The following SETD1B variants were observed in gnomAD, a reference collection of about 807,000 sequenced individuals.
SETD1B encodes the protein SET domain containing 1B, histone lysine methyltransferase.
Under a neutral mutation model 148.0 loss-of-function variants are expected in SETD1B, and 7 were observed. That is an observed-to-expected ratio of 0.05 (90% CI 0.03 to 0.09). SETD1B has a LOEUF of 0.09. Among genes scored for constraint, SETD1B ranks in the 10% least tolerant of loss-of-function variants. The pLI is 1.00. For missense variants in SETD1B, 2,155 were observed against 2,729.9 expected, an observed-to-expected ratio of 0.79 and a Z score of 4.69; for synonymous variants, 1,361 against 1,186.5, an observed-to-expected ratio of 1.15 and a Z score of -3.02.
At chr12:121,798,857 G>A in the SETD1B span, among the ~76,000 whole-genome samples, 1 of 152,214 alleles carries the variant, frequency 6.6e-6, no homozygotes, top group African/African-American at 2.4e-5. Flanking sequence ...CTTAGACACT[G>A]AGATGGGAAA....
chr12:121,796,974 T>G, the SETD1B span, among the ~76,000 whole-genome samples: 1 of 150,264 alleles, frequency 6.7e-6, no homozygotes, highest in Admixed American at 6.6e-5. Flanking sequence ...GAGGCGGAGG[T>G]TGCGGTGAGC....
the SETD1B span, chr12:121,797,215 C>T: frequency 2.8e-6 from 1 of 356,194 alleles, no homozygotes; most frequent in South Asian, 2.1e-5. Flanking sequence ...AGGTCATGTT[C>T]CACGCTAGGG....
In SETD1B at chr12:121,809,643, C is replaced by T; in HGVS notation, c.698C>T (p.Ser233Phe). Residue 233 changes from serine to phenylalanine, a missense_variant, in exon 6 of 17, where the codon TCT becomes TTT. Ser to Phe is a radical substitution (Grantham distance 155, BLOSUM62 -2). This residue lies in a region of SETD1B where 124 missense variants were observed against 282.9 expected (regional missense o/e 0.44). Transcript: ENST00000604567. ...AAGCGCCTCAAGGATGGAGGCCTGT[C>T]TGCAGGCTGTGGCTCCGGCTCCTCC... The part of the protein sequence containing the change: ...ALKRLKDGGL[S>F]AGCGSGSSSV... 1 of 1,551,364 alleles carries T rather than the reference C, an allele frequency of 6.4e-7. No homozygotes were observed. The highest frequency in any genetic ancestry group is 8.7e-7 in the Non-Finnish European group (1 of 1,146,860).
At chr12:121,826,040 C>G (rs571357551) in intron 13 of SETD1B, among the ~76,000 whole-genome samples, 4 of 152,106 alleles carry the variant, frequency 2.6e-5, no homozygotes, top group Admixed American at 2.6e-4. Flanking sequence ...AAAACCAAAT[C>G]CTATTCCTCG....
chr12:121,830,377 G>A lies in SETD1B; in HGVS notation c.*138G>A. The A allele has an allele frequency of 1.3e-6, 1 of 791,448 alleles. No individual in the cohort carries two copies. Among genetic ancestry groups the A allele is most frequent in the Non-Finnish European group, 1.9e-6 (1 of 516,122 alleles). 49.0% of individuals were successfully genotyped at this position (791,448 alleles called of 1,614,324 possible). On this transcript the variant is annotated 3_prime_UTR_variant, in exon 17 of 17. Coordinates refer to ENST00000604567, the MANE Select transcript of SETD1B (RefSeq NM_001353345.2). The surrounding 1 kb of genome is among the most constrained non-coding windows in gnomAD (Gnocchi z 5.7). ...TCTACCCAGCGGCCATTCAGGGCCTGGCGCCCCACACTACCCCCTGGAGCC... is the reference window on the plus strand; with the variant it reads ...TCTACCCAGCGGCCATTCAGGGCCTAGCGCCCCACACTACCCCCTGGAGCC...
In SETD1B at chr12:121,830,530, C is replaced by CT. The variant is rs34128886; in HGVS notation, c.*292dup. On this transcript the variant is annotated 3_prime_UTR_variant, in exon 17 of 17. Transcript: ENST00000604567. This position sits in a 1 kb window ranked among gnomAD's most constrained non-coding sequence, Gnocchi z 5.7. ...ATCAGCTTCTCTCTCTCCGTCTCTC[C>CT]TCCCCTCTCTCTCTTCTCTGTCTCT... 0.18 allele frequency: 55,825 copies of CT among 315,590 alleles called. 5,575 individuals carry two copies. The highest frequency in any genetic ancestry group is 0.24 in the African/African-American group (11,397 of 46,976). The allele number at this position is 315,590 out of a possible 1,614,324, so 19.5% of individuals were successfully genotyped here.
Position 121,810,633 on chromosome 12 carries a change from G to T in SETD1B, c.1688G>T (p.Arg563Leu), listed in dbSNP as rs942845427. The T allele has an allele frequency of 3.9e-6, 6 of 1,548,172 alleles. No individual in the cohort carries two copies. Among genetic ancestry groups the T allele is most frequent in the Non-Finnish European group, 4.4e-6 (5 of 1,146,408 alleles). ...CGGGGCCCCACGCCCCCCTCGTCAC[G>T]CCCCTCCAGCACCGGCCTGGAGGAT... ...GFRGPTPPSS[R>L]PSSTGLEDIS... Residue 563 changes from arginine (R) to leucine (L), a missense_variant, in exon 6 of 17, where the codon CGC becomes CTC. Coordinates refer to ENST00000604567, the MANE Select transcript of SETD1B (RefSeq NM_001353345.2). The surrounding 1 kb of genome is among the most constrained non-coding windows in gnomAD (Gnocchi z 7.6).
chr12:121,814,756 A>G lies in SETD1B; in HGVS notation c.2541A>G (p.Pro847=), dbSNP rs1876211671. Reference sequence around the variant, plus strand: ...AGTTTGACCCGTCAGTGCCTCCACCAGGCTACATGCCACGCCAGGAGGACC... The same window carrying G: ...AGTTTGACCCGTCAGTGCCTCCACCGGGCTACATGCCACGCCAGGAGGACC... ...LPKFDPSVPP[P]GYMPRQEDPH... Residue 847 remains proline (P), a synonymous_variant, in exon 7 of 17, where the codon CCA becomes CCG. Transcript: ENST00000604567. 1 of 1,551,238 alleles carries G rather than the reference A, an allele frequency of 6.4e-7. No homozygotes were observed. Among genetic ancestry groups the G allele is most frequent in the Non-Finnish European group, 8.7e-7 (1 of 1,146,992 alleles).
At chr12:121,806,616 A>C (rs1051757515) in intron 4 of SETD1B, among the ~76,000 whole-genome samples, 1 of 152,006 alleles carries the variant, frequency 6.6e-6, no homozygotes, top group African/African-American at 2.4e-5. Context: ...ATCTGGGGCC[A>C]GGAGTGTTGT....
Position 121,804,869 on chromosome 12 carries a change from T to G in SETD1B, c.132T>G (p.His44Gln). ...LMIDPALKKG[H>Q]HKLYRYDGQH... The stretch of plus-strand genomic sequence containing the variant: ...TTGACCCGGCTCTGAAAAAGGGGCA[T>G]CATAAACTGTACCGCTACGATGGGC... Residue 44 changes from histidine (H) to glutamine (Q), a missense_variant, in exon 2 of 17, where the codon CAT becomes CAG. Around this residue, in one of 11 missense-constraint regions of SETD1B, gnomAD observed 124 missense variants for 282.9 expected, o/e 0.44. Transcript: ENST00000604567. This position sits in a 1 kb window ranked among gnomAD's most constrained non-coding sequence, Gnocchi z 4.6. 1 of 1,549,032 alleles carries G rather than the reference T, an allele frequency of 6.5e-7. No homozygotes were observed. The highest frequency in any genetic ancestry group is 1.4e-5 in the African/African-American group (1 of 72,776).
the SETD1B span, among the ~76,000 whole-genome samples, chr12:121,794,746 C>A: frequency 6.7e-6 from 1 of 149,952 alleles, no homozygotes; most frequent in Non-Finnish European, 1.5e-5. Flanking sequence ...CTGCCCTCTG[C>A]ACCACCCAGA....
chr12:121,796,846 C>G, the SETD1B span, among the ~76,000 whole-genome samples: 3 of 152,194 alleles, frequency 2.0e-5, no homozygotes, highest in African/African-American at 7.2e-5. Context: ...TGAGACCAGC[C>G]TGACCAACAT....
At chr12:121,821,262 G>T (rs1876553594) in intron 11 of SETD1B, among the ~76,000 whole-genome samples, 1 of 152,078 alleles carries the variant, frequency 6.6e-6, no homozygotes, top group African/African-American at 2.4e-5. Context: ...CGGAGCAGGG[G>T]AACAGATGAC....
At position 121,810,722 on chromosome 12, in the gene SETD1B, C is replaced by T; in HGVS notation, c.1777C>T (p.Arg593Trp). The T allele has an allele frequency of 1.3e-6, 2 of 1,551,254 alleles. No individual in the cohort carries two copies. Among genetic ancestry groups the T allele is most frequent in the Admixed American group, 2.0e-5 (1 of 50,990 alleles). ...GGAGCTCGACCTGGGCCTTGGGCCT[C>T]GGCCTCCACCTGAGCCAGGCCCCCC... The part of the protein sequence containing the change: ...DEELDLGLGP[R>W]PPPEPGPPDP... Residue 593 changes from arginine to tryptophan, a missense_variant, in exon 6 of 17, where the codon CGG becomes TGG. Arg to Trp is a moderately radical substitution (Grantham distance 101, BLOSUM62 -3). This residue lies in a region of SETD1B where 295 missense variants were observed against 303.8 expected (regional missense o/e 0.97). Coordinates refer to ENST00000604567, the MANE Select transcript of SETD1B (RefSeq NM_001353345.2). This position sits in a 1 kb window ranked among gnomAD's most constrained non-coding sequence, Gnocchi z 7.6.
At chr12:121,793,329 C>A in the SETD1B span, 1 of 1,445,324 alleles carries the variant, frequency 6.9e-7, no homozygotes, top group Non-Finnish European at 9.5e-7. Context: ...CTCACTCGTC[C>A]CGGATCAGCC....
At chr12:121,813,865 C>G (rs1876154749) in intron 6 of SETD1B, among the ~76,000 whole-genome samples, 1 of 152,166 alleles carries the variant, frequency 6.6e-6, no homozygotes, top group Non-Finnish European at 1.5e-5. Flanking sequence ...GCCTGGCACA[C>G]AGGTACTGAG....
In SETD1B at chr12:121,809,880, G is replaced by A. The variant is rs977224372; in HGVS notation, c.935G>A (p.Arg312His). ...CCTGCAGTGACCTTCAAGGCCCGGC[G>A]CCACGAGAGCAAGTTCACGGACGCC... is the stretch of plus-strand genomic sequence containing the variant. ...QDPAVTFKAR[R>H]HESKFTDAYN... is the part of the protein sequence containing the mutation. The change falls in exon 6 of 17, where the codon CGC becomes CAC. Residue 312 changes from arginine (R) to histidine (H), a missense_variant. Around this residue, in one of 11 missense-constraint regions of SETD1B, gnomAD observed 376 missense variants for 385.0 expected, o/e 0.98. Coordinates refer to ENST00000604567, the MANE Select transcript of SETD1B (RefSeq NM_001353345.2). 1.5e-5 allele frequency: 24 copies of A among 1,550,904 alleles called. No homozygotes were observed. The highest frequency in any genetic ancestry group is 2.1e-5 in the Non-Finnish European group (24 of 1,146,972).
At chr12:121,819,291 G>A in intron 10 of SETD1B, 113 bp from the exon 11 acceptor site, 2 of 1,504,516 alleles carry the variant, frequency 1.3e-6, no homozygotes, top group Non-Finnish European at 1.8e-6. Context: ...ACACATATCT[G>A]AGGGCCGTGT....
Position 121,808,614 on chromosome 12 carries a change from TGCCCTGG to T in SETD1B, c.657+295_657+301del, listed in dbSNP as rs1875861029. Reference sequence around the variant, plus strand: ...CTGTGATTCCCACAGACCCAGAGCCTGCCCTGGCCCGCTTTTCCACGTTGATGCCAAA... The same window carrying T: ...CTGTGATTCCCACAGACCCAGAGCCTCCCGCTTTTCCACGTTGATGCCAAA... On this transcript the variant is annotated intron_variant, in intron 5 of 16. Coordinates refer to ENST00000604567, the MANE Select transcript of SETD1B (RefSeq NM_001353345.2). This position sits in a 1 kb window ranked among gnomAD's most constrained non-coding sequence, Gnocchi z 5.3. 6.6e-6 allele frequency among the ~76,000 whole-genome samples: 1 copy of T among 152,244 alleles called. No homozygotes were observed. Among genetic ancestry groups the T allele is most frequent in the Admixed American group, 6.5e-5 (1 of 15,288 alleles).
Sources: allele counts gnomAD v4.1 joint callset (sites outside exome capture counted in the v4.1 genomes callset), GRCh38; gene constraint gnomAD v4.1.1; regional missense constraint gnomAD v4.1.1; non-coding constraint Gnocchi (gnomAD v3.1); transcripts MANE v1.5; gene names NCBI Gene and HGNC (gene_info 2026-07-23, HGNC 2026-07-21).